The following ARRDC5 variants were observed in gnomAD, a reference collection of about 807,000 sequenced individuals.
ARRDC5 encodes arrestin domain-containing protein 5.
A neutral mutation model predicts 13.3 loss-of-function variants in ARRDC5; 12 were observed. The ratio of observed to expected loss-of-function variants is 0.90; its 90% CI spans 0.58 to 1.46. The LOEUF (loss-of-function observed/expected upper bound fraction) is 1.46, where lower values mean the gene tolerates loss of function less well. Among genes scored for constraint, ARRDC5 ranks in the 40% most tolerant of loss-of-function variants. ARRDC5 has a pLI of 0.00. For synonymous variants in ARRDC5, 181 were observed against 173.4 expected (o/e 1.04, Z -0.34); for missense variants, 406 against 418.7 (o/e 0.97, Z 0.26).
upstream of ARRDC5, chr19:4,902,957 T>C: frequency 1.4e-6 from 2 of 1,392,598 alleles, no homozygotes; most frequent in Admixed American, 1.9e-5. Context: ...GGGACCCCAG[T>C]GGCCAGGAGG....
At chr19:4,896,324 A>G (rs1599213880) in intron 2 of ARRDC5, among the ~76,000 whole-genome samples, 1 of 69,490 alleles carries the variant, frequency 1.4e-5, no homozygotes, top group Admixed American at 1.9e-4. Context: ...AAAAAAAAAA[A>G]AAAAAATATA....
At chr19:4,909,015 G>C in the ARRDC5 span, among the ~76,000 whole-genome samples, 2 of 152,198 alleles carry the variant, frequency 1.3e-5, no homozygotes, top group Non-Finnish European at 2.9e-5. Flanking sequence ...GGGTAGAGTG[G>C]GGAGCCCTGG....
At chr19:4,896,639 T>TG (rs746362039) in intron 2 of ARRDC5, 32 bp downstream of exon 2, 1 of 1,519,426 alleles carries the variant, frequency 6.6e-7, no homozygotes, top group Non-Finnish European at 9.1e-7. Context: ...GCTTGGAGAT[T>TG]GTTCCCACCT....
chr19:4,893,113 T>C (rs910059018), intron 2 of ARRDC5, among the ~76,000 whole-genome samples: 6 of 141,386 alleles, frequency 4.2e-5, no homozygotes, highest in Non-Finnish European at 9.1e-5. Flanking sequence ...AAAATAAATA[T>C]ATATATTATA....
chr19:4,915,383 G>A, the ARRDC5 span, among the ~76,000 whole-genome samples: 10 of 152,324 alleles, frequency 6.6e-5, no homozygotes, highest in South Asian at 1.0e-3. Flanking sequence ...TCTGTAAACC[G>A]GTGGGCGTGG....
At chr19:4,914,561 G>T in the ARRDC5 span, among the ~76,000 whole-genome samples, 7 of 152,080 alleles carry the variant, frequency 4.6e-5, no homozygotes, top group African/African-American at 1.7e-4. Context: ...TCACTTGATG[G>T]GCGGGAACGC....
At chr19:4,896,300 C>T (rs1252934832) in intron 2 of ARRDC5, among the ~76,000 whole-genome samples, 8 of 109,320 alleles carry the variant, frequency 7.3e-5, no homozygotes, top group Non-Finnish European at 1.0e-4. Flanking sequence ...GGTGACAGAG[C>T]GAGACTGCAT....
the ARRDC5 span, among the ~76,000 whole-genome samples, chr19:4,915,921 T>G: frequency 6.6e-6 from 1 of 152,156 alleles, no homozygotes; most frequent in East Asian, 1.9e-4. Context: ...TCAGGGGTTC[T>G]CAAACGGATT....
Position 4,902,786 on chromosome 19 carries a change from C to T in ARRDC5, c.40G>A (p.Asp14Asn). The change falls in exon 1 of 3, where the codon GAT becomes AAT. Residue 14 changes from aspartate (D) to asparagine (N), a missense_variant. Asp to Asn is a conservative substitution (Grantham distance 23). Transcript: ENST00000650722. ...VKSIELVLPEDRIYLAGSSIK... is the reference protein window; with the variant it reads ...VKSIELVLPENRIYLAGSSIK... Reference sequence around the variant, plus strand: ...CTGGAGCCAGCCAGGTAGATTCTATCCTCGGGCAGCACTAATTCGATCGAC... The same window carrying T: ...CTGGAGCCAGCCAGGTAGATTCTATTCTCGGGCAGCACTAATTCGATCGAC... The T allele has an allele frequency of 6.2e-7, 1 of 1,613,962 alleles. No individual in the cohort carries two copies.
rs1244929534 is a variant in ARRDC5 at position 4,891,305 on chromosome 19, G to T, written c.728C>A (p.Thr243Asn). Residue 243 changes from threonine to asparagine, a missense_variant, in exon 3 of 3, where the codon ACC (threonine) becomes AAC (asparagine). Coordinates refer to ENST00000650722, the MANE Select transcript of ARRDC5 (RefSeq NM_001080523.3). Reference protein sequence around the residue: ...SSELLRQEANTPVTRFNTTKV... With the variant: ...SSELLRQEANNPVTRFNTTKV... ...GGTGGTGTTGAAGCGGGTCACGGGG[G>T]TGTTGGCCTCCTGCCTCAGAAGCTC... 1.9e-6 allele frequency: 3 copies of T among 1,613,962 alleles called. No individual in the cohort carries two copies. The highest frequency in any genetic ancestry group is 2.5e-6 in the Non-Finnish European group (3 of 1,179,904).
the ARRDC5 span, chr19:4,911,005 A>T: frequency 6.2e-7 from 1 of 1,610,392 alleles, no homozygotes; most frequent in Non-Finnish European, 8.5e-7. Flanking sequence ...ACGTGGAGCC[A>T]GGCCTGCAGA....
At chr19:4,900,488 A>T (rs539933733) in intron 1 of ARRDC5, among the ~76,000 whole-genome samples, 6 of 152,310 alleles carry the variant, frequency 3.9e-5, no homozygotes, top group Admixed American at 3.9e-4. Context: ...CCATTAAATC[A>T]TTAAGTCCTT....
At chr19:4,905,905 G>A (rs1217249728), upstream of ARRDC5, among the ~76,000 whole-genome samples, 1 of 152,200 alleles carries the variant, frequency 6.6e-6, no homozygotes, top group Non-Finnish European at 1.5e-5. Context: ...CCTGCTCTAA[G>A]TGACTTGTGA....
At chr19:4,898,640 G>A (rs1312295728) in intron 1 of ARRDC5, among the ~76,000 whole-genome samples, 1 of 149,100 alleles carries the variant, frequency 6.7e-6, no homozygotes, top group South Asian at 2.1e-4. Flanking sequence ...GGGATTACAG[G>A]CATAAGCCAT....
the ARRDC5 span, among the ~76,000 whole-genome samples, chr19:4,912,186 C>T: frequency 2.2e-4 from 34 of 152,164 alleles, 1 homozygote; most frequent in African/African-American, 6.8e-4. Flanking sequence ...ATCTGGAGAA[C>T]TTGGGGAGTT....
At chr19:4,903,406 G>A (rs989462586), upstream of ARRDC5, 5 of 153,452 alleles carry the variant, frequency 3.3e-5, no homozygotes, top group Admixed American at 1.3e-4. Context: ...TCTGCCTCCC[G>A]GGTTCAAGCA....
upstream of ARRDC5, among the ~76,000 whole-genome samples, chr19:4,906,508 C>T (rs2032067373): frequency 6.6e-6 from 1 of 152,178 alleles, no homozygotes; most frequent in Admixed American, 6.6e-5. Context: ...AATCCCAGCA[C>T]TTTGGGAAGT....
intron 1 of ARRDC5, 146 bp from the exon 2 acceptor site, chr19:4,897,022 T>C (rs2031762019): frequency 1.7e-6 from 1 of 600,552 alleles, no homozygotes; most frequent in South Asian, 2.1e-5. Flanking sequence ...AGTGGTGTGA[T>C]CTCAGCTCAC....
the ARRDC5 span, among the ~76,000 whole-genome samples, chr19:4,908,677 A>G: frequency 6.6e-6 from 1 of 152,112 alleles, no homozygotes; most frequent in Admixed American, 6.6e-5. Context: ...CCCGCCTCCC[A>G]CCACATGGCT....
Sources: gnomAD v4.1 joint callset for allele counts (sites outside exome capture counted in the v4.1 genomes callset) on GRCh38, gnomAD v4.1.1 for gene constraint, MANE v1.5 for transcripts, NCBI Gene and HGNC (gene_info 2026-07-23, HGNC 2026-07-21) for gene names.